Variants in FANCI observed in about 807,000 individuals in gnomAD.
FANCI encodes Fanconi anemia group I protein.
FANCI carries 156 observed loss-of-function variants against 176.1 expected under a neutral mutation model. That is an observed-to-expected ratio of 0.89 (90% CI 0.78 to 1.01). The LOEUF is 1.01. Among genes scored for constraint, FANCI ranks in the 50% least tolerant of loss-of-function variants. The pLI is 0.00. For synonymous variants in FANCI, 613 were observed against 541.7 expected (o/e 1.13, Z -1.83); for missense variants, 1,678 against 1,534.1 (o/e 1.09, Z -1.57).
At chr15:89,268,565 A>C (rs777631733) in intron 10 of FANCI, 40 bp downstream of exon 10, 21 of 1,613,380 alleles carry the variant, frequency 1.3e-5, no homozygotes, top group Non-Finnish European at 1.7e-5. Flanking sequence ...TCTCTTTTGA[A>C]TGAAAGTGTT....
At position 89,273,414 on chromosome 15, in the gene FANCI, C is replaced by T. The variant is rs1444100172; in HGVS notation, c.920C>T (p.Pro307Leu). The T allele has an allele frequency of 3.7e-6, 6 of 1,609,028 alleles. No individual in the cohort carries two copies. The highest frequency in any genetic ancestry group is 5.1e-6 in the Non-Finnish European group (6 of 1,177,150). ...QQGDSNNNLS[P>L]FSIALLLSVT... ...GGAGATTCCAATAATAACTTAAGTC[C>T]CTTCAGCATTGCTCTTCTTCTGTCT... Residue 307 changes from proline (P) to leucine (L), a missense_variant, in exon 11 of 38, where the codon CCC (proline) becomes CTC (leucine). By Grantham distance (98) the Pro-to-Leu change is moderately conservative. This residue lies in a region of FANCI where 469 missense variants were observed against 436.9 expected (regional missense o/e 1.07). Coordinates refer to ENST00000310775, the MANE Select transcript of FANCI (RefSeq NM_001113378.2).
At chr15:89,310,325 A>T (rs1057399249) in intron 34 of FANCI, among the ~76,000 whole-genome samples, 27 of 152,258 alleles carry the variant, frequency 1.8e-4, no homozygotes, top group Non-Finnish European at 3.5e-4. Flanking sequence ...TATGGGCTAT[A>T]GTCAGTCAAC....
intron 34 of FANCI, among the ~76,000 whole-genome samples, chr15:89,312,434 A>AT (rs1158809835): frequency 6.6e-6 from 1 of 152,210 alleles, no homozygotes; most frequent in Admixed American, 6.5e-5. Context: ...CAAAGCATCC[A>AT]TTTTTTCCCT....
chr15:89,276,619 A>G, intron 12 of FANCI, 92 bp from the exon 13 acceptor site: 1 of 1,397,254 alleles, frequency 7.2e-7, no homozygotes, highest in Non-Finnish European at 1.0e-6. Flanking sequence ...TATCTAGGTC[A>G]AGTTTGGGAA....
intron 24 of FANCI, among the ~76,000 whole-genome samples, chr15:89,299,499 G>A (rs1365327717): frequency 1.3e-5 from 2 of 152,180 alleles, no homozygotes; most frequent in Non-Finnish European, 2.9e-5. Flanking sequence ...GTTAAAGGCA[G>A]ACTCAGAAGG....
Position 89,299,911 on chromosome 15 carries a change from C to G in FANCI, c.2748C>G (p.Phe916Leu). The G allele has an allele frequency of 1.2e-6, 2 of 1,614,022 alleles. No homozygotes were observed. The highest frequency in any genetic ancestry group is 1.7e-6 in the Non-Finnish European group (2 of 1,179,984). ...GCTTGGAGGGTTTACAGAAAATATT[C>G]AGTGCTGTGCAACAGTTCTATCAGC... Reference protein sequence around the residue: ...LLCLEGLQKIFSAVQQFYQPK... With the variant: ...LLCLEGLQKILSAVQQFYQPK... Residue 916 changes from phenylalanine (F) to leucine (L), a missense_variant, in exon 25 of 38, where the codon TTC becomes TTG. Physicochemically the swap from Phe to Leu is conservative, Grantham distance 22 (BLOSUM62 0). This residue lies in a region of FANCI where 1,204 missense variants were observed against 1,077.4 expected (regional missense o/e 1.12). Transcript: ENST00000310775.
chr15:89,270,541 T>C (rs973181693), intron 10 of FANCI, among the ~76,000 whole-genome samples: 1 of 152,048 alleles, frequency 6.6e-6, no homozygotes, highest in Non-Finnish European at 1.5e-5. Flanking sequence ...GTCCTCACAA[T>C]CTGTTCCCAA....
At position 89,299,948 on chromosome 15, in the gene FANCI, C is replaced by A; in HGVS notation, c.2785C>A (p.Gln929Lys). The part of the protein sequence containing the change: ...VQQFYQPKIQ[Q>K]FLRALDVTDK... ...ACAGTTCTATCAGCCCAAGATTCAG[C>A]AGTTTCTCAGAGCTCTGGGTAAGCA... The change falls in exon 25 of 38, where the codon CAG becomes AAG. Residue 929 changes from glutamine (Q) to lysine (K), a missense_variant. This residue lies in a region of FANCI where 1,204 missense variants were observed against 1,077.4 expected (regional missense o/e 1.12). Transcript: ENST00000310775. 6.2e-7 allele frequency: 1 copy of A among 1,613,982 alleles called. No homozygotes were observed. The highest frequency in any genetic ancestry group is 8.5e-7 in the Non-Finnish European group (1 of 1,179,926).
At chr15:89,284,856 G>A (rs568444840) in intron 17 of FANCI, among the ~76,000 whole-genome samples, 1 of 152,266 alleles carries the variant, frequency 6.6e-6, no homozygotes, top group East Asian at 1.9e-4. Context: ...ATATTGTCAA[G>A]GAAACCTTAA....
At position 89,301,406 on chromosome 15, in the gene FANCI, C is replaced by G; in HGVS notation, c.2970C>G (p.Thr990=). Residue 990 remains threonine, a synonymous_variant, in exon 27 of 38, where the codon ACC becomes ACG. Transcript: ENST00000310775. Reference sequence around the variant, plus strand: ...CCCTCCTGCTAGTCACGGTTCTTACCAGTTTGTCCAAGTTACTGGAGCCCT... The same window carrying G: ...CCCTCCTGCTAGTCACGGTTCTTACGAGTTTGTCCAAGTTACTGGAGCCCT... ...KEALLLVTVL[T]SLSKLLEPSS... is the part of the protein sequence containing the mutation. The G allele has an allele frequency of 6.2e-7, 1 of 1,613,984 alleles. No homozygotes were observed. The highest frequency in any genetic ancestry group is 1.6e-4 in the Middle Eastern group (1 of 6,062).
intron 14 of FANCI, among the ~76,000 whole-genome samples, chr15:89,280,401 T>C (rs1453248776): frequency 6.6e-6 from 1 of 152,214 alleles, no homozygotes; most frequent in Non-Finnish European, 1.5e-5. Flanking sequence ...AAGTCAGTTA[T>C]TTACTTTCCT....
rs755757430 is a variant in FANCI, at chr15:89,260,833, T to C, written c.278T>C (p.Leu93Pro). The C allele has an allele frequency of 6.2e-7, 1 of 1,613,852 alleles. No homozygotes were observed. Among genetic ancestry groups the C allele is most frequent in the Non-Finnish European group, 8.5e-7 (1 of 1,179,804 alleles). Reference protein sequence around the residue: ...KEIASEIIGLLMLEAHHFPGP... With the variant: ...KEIASEIIGLPMLEAHHFPGP... ...ATAGCGTCTGAGATCATAGGATTACTGATGCTGGAGGTAAGATGGCAAACA... is the reference window on the plus strand; with the variant it reads ...ATAGCGTCTGAGATCATAGGATTACCGATGCTGGAGGTAAGATGGCAAACA... Residue 93 changes from leucine (L) to proline (P), a missense_variant, in exon 4 of 38, where the codon CTG (leucine) becomes CCG (proline). Leu to Pro is a moderately conservative substitution (Grantham distance 98). Transcript: ENST00000310775.
chr15:89,263,464 A>G lies in FANCI; in HGVS notation c.545+4A>G. ...TCCAACTCACCTCCATGTTCAAGTAAGCATCATCTTTTCCCTTTTCTTTGT... is the reference window on the plus strand; with the variant it reads ...TCCAACTCACCTCCATGTTCAAGTAGGCATCATCTTTTCCCTTTTCTTTGT... On this transcript the variant is annotated splice_donor_region_variant and intron_variant, in intron 7 of 37. Coordinates refer to ENST00000310775, the MANE Select transcript of FANCI (RefSeq NM_001113378.2). 1.9e-6 allele frequency: 3 copies of G among 1,611,504 alleles called. No homozygotes were observed. Among genetic ancestry groups the G allele is most frequent in the Non-Finnish European group, 2.5e-6 (3 of 1,177,760 alleles).
In FANCI at chr15:89,263,462, T is replaced by C; in HGVS notation, c.545+2T>C. On this transcript the variant is annotated splice_donor_variant, in intron 7 of 37. Coordinates refer to ENST00000310775, the MANE Select transcript of FANCI (RefSeq NM_001113378.2). LOFTEE classifies it high-confidence loss of function. ...AATCCAACTCACCTCCATGTTCAAGTAAGCATCATCTTTTCCCTTTTCTTT... is the reference window on the plus strand; with the variant it reads ...AATCCAACTCACCTCCATGTTCAAGCAAGCATCATCTTTTCCCTTTTCTTT... 6.2e-7 allele frequency: 1 copy of C among 1,611,610 alleles called. No homozygotes were observed. Among genetic ancestry groups the C allele is most frequent in the Non-Finnish European group, 8.5e-7 (1 of 1,177,812 alleles).
chr15:89,278,773 A>G lies in FANCI; in HGVS notation c.1380A>G (p.Leu460=). The change falls in exon 14 of 38, where the codon TTA becomes TTG. Residue 460 remains leucine, a splice_region_variant and synonymous_variant. Transcript: ENST00000310775. Reference sequence around the variant, plus strand: ...CATCTTCTCCCATCAGTCATTTCTTAGGTATTCAACTTTGAAAGAATGAAT... The same window carrying G: ...CATCTTCTCCCATCAGTCATTTCTTGGGTATTCAACTTTGAAAGAATGAAT... ...TRASSPISHF[L]DLLSNIVMYA... 1 of 1,610,246 alleles carries G rather than the reference A, an allele frequency of 6.2e-7. No individual in the cohort carries two copies. The highest frequency in any genetic ancestry group is 8.5e-7 in the Non-Finnish European group (1 of 1,176,558).
rs186561077 is a variant in FANCI, at chr15:89,285,500, G to A, written c.1821+282G>A. Among the ~76,000 whole-genome samples the A allele has an allele frequency of 5.8e-3, 883 of 152,132 alleles. 2 individuals carry two copies. The highest frequency in any genetic ancestry group is 0.02 in the African/African-American group (825 of 41,488). ...ACATTAGCTGGGTGTGGTGGCATGC[G>A]CCCGTGGTCCCAGCTACTCAGGAGG... On this transcript the variant is annotated intron_variant, in intron 18 of 37. Coordinates refer to ENST00000310775, the MANE Select transcript of FANCI (RefSeq NM_001113378.2).
Position 89,290,495 on chromosome 15 carries a change from G to C in FANCI, c.1890+214G>C, listed in dbSNP as rs1247429094. On this transcript the variant is annotated intron_variant, in intron 19 of 37. Transcript: ENST00000310775. Reference sequence around the variant, plus strand: ...ATACCATCATCTAGCAGTTATCCTTGTGAATTAACAGTCTGTATCCTAAGT... The same window carrying C: ...ATACCATCATCTAGCAGTTATCCTTCTGAATTAACAGTCTGTATCCTAAGT... 3 of 560,382 alleles carry C rather than the reference G, an allele frequency of 5.4e-6. No homozygotes were observed. The Admixed American group carries it at 8.8e-5, about 16-fold the overall frequency. The allele number at this position is 560,382 out of a possible 1,614,324, so 34.7% of individuals were successfully genotyped here. A position where few individuals can be genotyped will look rare whatever the true frequency, so the allele number is the denominator to read the frequency against.
intron 34 of FANCI, among the ~76,000 whole-genome samples, chr15:89,309,872 C>T (rs1314011282): frequency 6.6e-6 from 1 of 152,174 alleles, no homozygotes; most frequent in Non-Finnish European, 1.5e-5. Context: ...CTGTTAAATG[C>T]TATTTACTAC....
At chr15:89,304,139 C>G (rs975055300) in intron 28 of FANCI, among the ~76,000 whole-genome samples, 6 of 152,290 alleles carry the variant, frequency 3.9e-5, no homozygotes, top group African/African-American at 1.4e-4. Context: ...CTATGGAAAA[C>G]TGTTCAGCAA....
Sources: gnomAD v4.1 joint callset for allele counts (sites outside exome capture counted in the v4.1 genomes callset) on GRCh38, gnomAD v4.1.1 for gene constraint, gnomAD v4.1.1 regional missense constraint, MANE v1.5 for transcripts, NCBI Gene and HGNC (gene_info 2026-07-23, HGNC 2026-07-21) for gene names.